STXBP4: variants seen among roughly 807,000 people sequenced by gnomAD.
The protein encoded by STXBP4 is syntaxin-binding protein 4.
In STXBP4, 55 loss-of-function variants were observed where a neutral mutation model predicts 76.1. The ratio of observed to expected loss-of-function variants is 0.72; its 90% CI spans 0.58 to 0.91. The LOEUF (loss-of-function observed/expected upper bound fraction) is 0.91. STXBP4 is among the 40% of genes least tolerant of loss of function. The pLI, the probability that STXBP4 is intolerant of heterozygous loss-of-function variation, is 0.00. For synonymous variants in STXBP4, 201 were observed against 220.2 expected, an observed-to-expected ratio of 0.91 and a Z score of 0.77; for missense variants, 618 against 636.9, an observed-to-expected ratio of 0.97 and a Z score of 0.32.
chr17:54,990,638 CT>C (rs2077700524), intron 3 of STXBP4, among the ~76,000 whole-genome samples, 186 bp from the exon 4 acceptor site: 1 of 152,138 alleles, frequency 6.6e-6, no homozygotes, highest in African/African-American at 2.4e-5. Context: ...ACCATCACCC[CT>C]CTGCAACCCC....
intron 16 of STXBP4, among the ~76,000 whole-genome samples, chr17:55,085,862 C>T (rs75393693): frequency 0.011 from 1,679 of 152,108 alleles, 28 homozygotes; most frequent in African/African-American, 0.038. Context: ...TTGTAAAAAT[C>T]AAATTATATA....
intron 16 of STXBP4, among the ~76,000 whole-genome samples, chr17:55,098,557 G>A (rs2079523892): frequency 6.6e-6 from 1 of 152,156 alleles, no homozygotes; most frequent in South Asian, 2.1e-4. Context: ...GCTCTCTGAA[G>A]GAAAAGTGTT....
downstream of STXBP4, among the ~76,000 whole-genome samples, chr17:55,178,149 A>G (rs766947113): frequency 7.2e-5 from 11 of 152,246 alleles, no homozygotes; most frequent in Non-Finnish European, 1.3e-4. Flanking sequence ...TCTATTCCAC[A>G]AGCTGCAAAG....
chr17:55,146,984 T>C (rs909977410), intron 17 of STXBP4, among the ~76,000 whole-genome samples: 1 of 152,204 alleles, frequency 6.6e-6, no homozygotes, highest in African/African-American at 2.4e-5. Context: ...CCTGGTTCAG[T>C]GTAAGAGGCG....
chr17:54,976,617 C>T (rs1028170584), intron 1 of STXBP4, among the ~76,000 whole-genome samples: 23 of 152,280 alleles, frequency 1.5e-4, no homozygotes, highest in East Asian at 7.7e-4. Flanking sequence ...CCCGGCCAGA[C>T]GGCAGGAGGT....
At chr17:55,146,040 G>T (rs2080149362) in intron 17 of STXBP4, among the ~76,000 whole-genome samples, 1 of 151,990 alleles carries the variant, frequency 6.6e-6, no homozygotes, top group Non-Finnish European at 1.5e-5. Context: ...CAGATTTATA[G>T]TAGTCTTTGG....
the STXBP4 span, among the ~76,000 whole-genome samples, chr17:55,209,637 T>A: frequency 6.6e-6 from 1 of 152,194 alleles, no homozygotes; most frequent in Non-Finnish European, 1.5e-5. Flanking sequence ...TAAAGTACAG[T>A]CCACCTGTTC....
intron 12 of STXBP4, among the ~76,000 whole-genome samples, chr17:55,067,652 G>T (rs879808677): frequency 6.6e-6 from 1 of 152,062 alleles, no homozygotes; most frequent in African/African-American, 2.4e-5. Flanking sequence ...TACCTAAGGT[G>T]GTACTTCATC....
At chr17:55,111,540 G>A (rs953788682) in intron 16 of STXBP4, among the ~76,000 whole-genome samples, 2 of 152,136 alleles carry the variant, frequency 1.3e-5, no homozygotes, top group Non-Finnish European at 2.9e-5. Flanking sequence ...ACGCCATCCC[G>A]TTGGTGCTGT....
the STXBP4 span, among the ~76,000 whole-genome samples, chr17:55,211,799 GTTTTTTT>G: frequency 6.1e-5 from 3 of 48,980 alleles, no homozygotes; most frequent in Admixed American, 3.1e-4. Context: ...GTTTTTTGTT[GTTTTTTT>G]TTTTTTTTTT....
At chr17:55,014,284 C>T (rs1210920438) in intron 8 of STXBP4, among the ~76,000 whole-genome samples, 3 of 152,166 alleles carry the variant, frequency 2.0e-5, no homozygotes, top group Non-Finnish European at 2.9e-5. Context: ...TTAATTCCTT[C>T]CTCAAGCACG....
At chr17:54,976,695 T>C (rs976141064) in intron 1 of STXBP4, among the ~76,000 whole-genome samples, 4 of 152,132 alleles carry the variant, frequency 2.6e-5, no homozygotes, top group Non-Finnish European at 5.9e-5. Context: ...AGCATTAGAT[T>C]CTCCCAGGAG....
At chr17:55,096,210 C>T (rs1439770192) in intron 16 of STXBP4, among the ~76,000 whole-genome samples, 3 of 152,082 alleles carry the variant, frequency 2.0e-5, no homozygotes, top group African/African-American at 7.2e-5. Context: ...TGCTGGAGTG[C>T]AGTGGTGTGA....
intron 17 of STXBP4, among the ~76,000 whole-genome samples, chr17:55,145,897 A>G (rs998960645): frequency 2.6e-5 from 4 of 152,132 alleles, no homozygotes; most frequent in Non-Finnish European, 5.9e-5. Flanking sequence ...TTAGAGAGAG[A>G]GTTGCAACAT....
chr17:55,040,493 A>G (rs775138088), intron 10 of STXBP4, among the ~76,000 whole-genome samples: 3 of 152,174 alleles, frequency 2.0e-5, no homozygotes, highest in African/African-American at 4.8e-5. Flanking sequence ...CTGTTTTGTA[A>G]CTGTTTCTGT....
In STXBP4 at chr17:54,996,728, TG is replaced by T. The variant is rs1364887650; in HGVS notation, c.181-2616del. On this transcript the variant is annotated intron_variant, in intron 4 of 17. Coordinates refer to ENST00000376352, the MANE Select transcript of STXBP4 (RefSeq NM_178509.6). ...AGAAGGTCACCATCAGTCTACATCT[TG>T]TAAAAGTACAGGAAAGGAATCTTAA... Among the ~76,000 whole-genome samples, 10 of 152,306 alleles carry T rather than the reference TG, an allele frequency of 6.6e-5. No individual in the cohort carries two copies. The East Asian group carries it at 1.5e-3, about 23-fold the overall frequency.
intron 10 of STXBP4, among the ~76,000 whole-genome samples, chr17:55,041,635 T>C (rs1330510472): frequency 6.6e-6 from 1 of 152,292 alleles, no homozygotes; most frequent in East Asian, 1.9e-4. Context: ...TTACTTTAGT[T>C]CCATGAGCTA....
intron 4 of STXBP4, chr17:54,991,840 C>G (rs544360388): frequency 2.2e-4 from 33 of 151,260 alleles, no homozygotes; most frequent in African/African-American, 7.5e-4. Flanking sequence ...ATAAAATATT[C>G]TATTAATATC....
At chr17:55,025,816 G>A (rs1041648898) in intron 8 of STXBP4, among the ~76,000 whole-genome samples, 20 of 152,202 alleles carry the variant, frequency 1.3e-4, no homozygotes, top group Middle Eastern at 3.4e-3. Context: ...GAAATAAAAG[G>A]CATCCAGATT....
Sources: allele counts gnomAD v4.1 joint callset (sites outside exome capture counted in the v4.1 genomes callset), GRCh38; gene constraint gnomAD v4.1.1; transcripts MANE v1.5; gene names NCBI Gene and HGNC (gene_info 2026-07-23, HGNC 2026-07-21).